The following ING5 variants were observed in gnomAD, a reference collection of about 807,000 sequenced individuals.
The protein encoded by ING5 is inhibitor of growth protein 5.
Under a neutral mutation model 37.4 loss-of-function variants are expected in ING5, and 17 were observed. That is an observed-to-expected ratio of 0.45 (90% CI 0.31 to 0.68). ING5 has a LOEUF of 0.68. Among genes scored for constraint, ING5 ranks in the 30% least tolerant of loss-of-function variants. The probability of loss-of-function intolerance (pLI) is 0.05; values close to 1 mark genes in which losing one functional copy is unlikely to be tolerated. For synonymous variants in ING5, 123 were observed against 116.6 expected (o/e 1.06, Z -0.36); for missense variants, 233 against 311.9 (o/e 0.75, Z 1.91).
At chr2:241,713,874 C>T (rs894086511) in intron 5 of ING5, among the ~76,000 whole-genome samples, 2 of 151,906 alleles carry the variant, frequency 1.3e-5, no homozygotes, top group African/African-American at 2.4e-5. Context: ...CCTGTAATCC[C>T]AGCTACTCGG....
intron 7 of ING5, chr2:241,723,880 C>T (rs912488915): frequency 9.0e-6 from 13 of 1,444,878 alleles, no homozygotes; most frequent in Middle Eastern, 2.1e-4. Flanking sequence ...CGTGGTGGTG[C>T]GTGCCTGTGG....
intron 2 of ING5, among the ~76,000 whole-genome samples, chr2:241,694,833 A>G (rs1393603300): frequency 1.4e-5 from 2 of 138,996 alleles, no homozygotes; most frequent in Non-Finnish European, 3.1e-5. Flanking sequence ...CCTGGCCAAC[A>G]TAGTGAAAAC....
intron 1 of ING5, among the ~76,000 whole-genome samples, chr2:241,689,154 C>G (rs1387464235): frequency 6.6e-6 from 1 of 151,348 alleles, no homozygotes; most frequent in South Asian, 2.1e-4. Context: ...GTCTTGTGGC[C>G]CAGAGTGGAG....
chr2:241,712,065 A>G lies in ING5; in HGVS notation c.476A>G (p.Lys159Arg). Residue 159 changes from lysine (K) to arginine (R), a missense_variant, in exon 5 of 8, where the codon AAA becomes AGA. By Grantham distance (26) the Lys-to-Arg change is conservative. Coordinates refer to ENST00000313552, the MANE Select transcript of ING5 (RefSeq NM_032329.6). Reference protein sequence around the residue: ...EEDTPKKKKHKGGSEFTDTIL... With the variant: ...EEDTPKKKKHRGGSEFTDTIL... ...GACACACCAAAGAAAAAGAAGCACA[A>G]AGGAGGGTAAGAGGCTTTCCCCTCT... 2 of 1,607,374 alleles carry G rather than the reference A, an allele frequency of 1.2e-6. No individual in the cohort carries two copies. Among genetic ancestry groups the G allele is most frequent in the Non-Finnish European group, 1.7e-6 (2 of 1,176,728 alleles).
intron 5 of ING5, chr2:241,722,435 C>T: frequency 1.0e-6 from 1 of 985,362 alleles, no homozygotes; most frequent in East Asian, 1.1e-4. Context: ...GCTTCACGGC[C>T]TCCTGGGGGC....
intron 5 of ING5, among the ~76,000 whole-genome samples, chr2:241,716,484 A>G (rs1400441160): frequency 1.5e-4 from 23 of 151,610 alleles, no homozygotes; most frequent in African/African-American, 4.6e-4. Context: ...TAGTAGAGAC[A>G]GGTTTTCACC....
intron 1 of ING5, among the ~76,000 whole-genome samples, chr2:241,702,456 C>G (rs999110641): frequency 1.3e-5 from 2 of 152,028 alleles, no homozygotes; most frequent in Admixed American, 6.6e-5. Context: ...GGCCCCGGCC[C>G]CGCCAGGTCC....
intron 2 of ING5, chr2:241,694,125 T>C (rs1309209779): frequency 2.0e-5 from 3 of 151,008 alleles, no homozygotes; most frequent in Non-Finnish European, 2.9e-5. Context: ...ACAAAATACA[T>C]GAAGACCAGT....
chr2:241,705,189 C>T (rs2069865607), intron 2 of ING5, among the ~76,000 whole-genome samples: 1 of 152,050 alleles, frequency 6.6e-6, no homozygotes, highest in Non-Finnish European at 1.5e-5. Flanking sequence ...ATTCTCTTGC[C>T]TCAGCCTCCT....
chr2:241,721,247 T>TG, intron 5 of ING5: 1 of 985,444 alleles, frequency 1.0e-6, no homozygotes, highest in Non-Finnish European at 1.2e-6. Flanking sequence ...CGTAGACCCT[T>TG]GCGTGCTGCT....
intron 2 of ING5, among the ~76,000 whole-genome samples, chr2:241,706,106 CTG>C (rs1052072759): frequency 6.6e-6 from 1 of 152,158 alleles, no homozygotes; most frequent in African/African-American, 2.4e-5. Context: ...CCTGACAGTT[CTG>C]TGTGTGCTTT....
At chr2:241,722,556 G>A in intron 5 of ING5, 1 of 985,266 alleles carries the variant, frequency 1.0e-6, no homozygotes, top group East Asian at 1.1e-4. Flanking sequence ...GTTCTTTCTA[G>A]CATCAGCTGA....
intron 5 of ING5, chr2:241,720,920 G>A (rs1458786305): frequency 3.0e-6 from 3 of 985,494 alleles, no homozygotes; most frequent in East Asian, 2.3e-4. Context: ...CTGCACGGTG[G>A]CCTCAGCTTC....
chr2:241,702,092 C>T lies in ING5; in HGVS notation c.27C>T (p.His9=), dbSNP rs1268544380. 51 of 1,368,128 alleles carry T rather than the reference C, an allele frequency of 3.7e-5. No homozygotes were observed. The highest frequency in any genetic ancestry group is 2.9e-5 in the Admixed American group (1 of 34,976). 84.7% of individuals were successfully genotyped at this position (1,368,128 alleles called of 1,614,324 possible). A position where few individuals can be genotyped will look rare whatever the true frequency, so the allele number is the denominator to read the frequency against. The change falls in exon 1 of 8, where the codon CAC becomes CAT. Residue 9 remains histidine, a synonymous_variant. Coordinates refer to ENST00000313552, the MANE Select transcript of ING5 (RefSeq NM_032329.6). Reference sequence around the variant, plus strand: ...TGGCGACCGCCATGTACTTGGAGCACTATCTGGACAGTAAGCGCGCCCCAC... The same window carrying T: ...TGGCGACCGCCATGTACTTGGAGCATTATCTGGACAGTAAGCGCGCCCCAC... MATAMYLE[H]YLDSIENLPC...
At chr2:241,705,205 G>T (rs1381110281) in intron 2 of ING5, among the ~76,000 whole-genome samples, 1 of 151,872 alleles carries the variant, frequency 6.6e-6, no homozygotes, top group Non-Finnish European at 1.5e-5. Context: ...CTCCTGAGTA[G>T]CTGGGACTAC....
In ING5 at chr2:241,723,376, C is replaced by T. The variant is rs899766643; in HGVS notation, c.680+105C>T. The T allele has an allele frequency of 7.4e-5, 94 of 1,262,458 alleles. 1 individual carries two copies. In the Admixed American group the frequency reaches 9.0e-4, roughly 12 times the overall value. 78.2% of individuals were successfully genotyped at this position (1,262,458 alleles called of 1,614,324 possible). ...CATGGCAGAATCTTGCCGGGCTTAG[C>T]GGGACACGGTAGCCACGTAGGCATG... On this transcript the variant is annotated intron_variant, in intron 7 of 7. Coordinates refer to ENST00000313552, the MANE Select transcript of ING5 (RefSeq NM_032329.6).
chr2:241,714,536 A>G (rs1459898619), intron 5 of ING5, among the ~76,000 whole-genome samples: 2 of 150,966 alleles, frequency 1.3e-5, no homozygotes, highest in African/African-American at 4.9e-5. Flanking sequence ...TGTGTCTGTT[A>G]TGATGACCCC....
chr2:241,713,204 G>A (rs1405346484), intron 5 of ING5, among the ~76,000 whole-genome samples: 1 of 149,388 alleles, frequency 6.7e-6, no homozygotes, highest in Non-Finnish European at 1.5e-5. Flanking sequence ...CTACAAGTGC[G>A]CACCACCATG....
rs552945048 is a variant in ING5 at position 241,725,156 on chromosome 2, G to A, written c.*125G>A. The A allele has an allele frequency of 7.9e-6, 8 of 1,008,068 alleles. No homozygotes were observed. The East Asian group carries it at 1.7e-4, about 22-fold the overall frequency. The allele number at this position is 1,008,068 out of a possible 1,614,324, so 62.4% of individuals were successfully genotyped here. On this transcript the variant is annotated 3_prime_UTR_variant, in exon 8 of 8. Coordinates refer to ENST00000313552, the MANE Select transcript of ING5 (RefSeq NM_032329.6). ...CTTAGTAACTCCGTGGCCAGTTGAA[G>A]CGCTGGATGTTTCCTAGAACAAGAA...
Sources: gnomAD v4.1 joint callset for allele counts (sites outside exome capture counted in the v4.1 genomes callset) on GRCh38, gnomAD v4.1.1 for gene constraint, MANE v1.5 for transcripts, NCBI Gene and HGNC (gene_info 2026-07-23, HGNC 2026-07-21) for gene names.